POSTN: variants seen among roughly 807,000 people sequenced by gnomAD.
POSTN encodes the protein periostin.
POSTN carries 71 observed loss-of-function variants against 104.5 expected under a neutral mutation model. The ratio of observed to expected loss-of-function variants is 0.68; its 90% CI spans 0.56 to 0.83. The LOEUF (loss-of-function observed/expected upper bound fraction) is 0.83, where lower values mean the gene tolerates loss of function less well. Ranked by LOEUF, POSTN falls within the 40% of genes least tolerant of loss-of-function variation. The pLI, the probability that POSTN is intolerant of heterozygous loss-of-function variation, is 0.00. For synonymous variants in POSTN, 355 were observed against 340.7 expected, an observed-to-expected ratio of 1.04 and a Z score of -0.46; for missense variants, 949 against 1,006.8, an observed-to-expected ratio of 0.94 and a Z score of 0.78.
At chr13:37,566,514 T>A (rs1193366300) in intron 21 of POSTN, among the ~76,000 whole-genome samples, 1 of 152,140 alleles carries the variant, frequency 6.6e-6, no homozygotes, top group East Asian at 1.9e-4. Flanking sequence ...TTATTTAGAC[T>A]GTAGGTATCA....
chr13:37,593,951 A>G (rs1485080042), intron 2 of POSTN, among the ~76,000 whole-genome samples: 3 of 151,798 alleles, frequency 2.0e-5, no homozygotes, highest in Non-Finnish European at 4.4e-5. Flanking sequence ...CTTAAGAATA[A>G]TAGATAGCTA....
chr13:37,588,941 T>C (rs1237076474), intron 4 of POSTN, among the ~76,000 whole-genome samples: 2 of 152,064 alleles, frequency 1.3e-5, no homozygotes, highest in African/African-American at 2.4e-5. Context: ...ATTAGGGGGA[T>C]CACTTTAGAT....
At chr13:37,596,898 A>G (rs1039706789) in intron 2 of POSTN, among the ~76,000 whole-genome samples, 3 of 152,180 alleles carry the variant, frequency 2.0e-5, no homozygotes, top group Non-Finnish European at 4.4e-5. Flanking sequence ...TAGAAACAAC[A>G]TCATTTACTC....
At chr13:37,593,414 A>G (rs1951000353) in intron 2 of POSTN, among the ~76,000 whole-genome samples, 1 of 151,410 alleles carries the variant, frequency 6.6e-6, no homozygotes, top group South Asian at 2.1e-4. Flanking sequence ...AATTTTACAT[A>G]GTTACTTATG....
At chr13:37,574,474 A>G in intron 17 of POSTN, 98 bp downstream of exon 17, 2 of 1,418,876 alleles carry the variant, frequency 1.4e-6, no homozygotes, top group Non-Finnish European at 1.8e-6. Flanking sequence ...AACATTTAAC[A>G]TGTTAGTTTT....
chr13:37,583,721 G>A (rs1950666793), intron 9 of POSTN, among the ~76,000 whole-genome samples: 1 of 151,898 alleles, frequency 6.6e-6, no homozygotes, highest in Non-Finnish European at 1.5e-5. Context: ...CACCACGCCT[G>A]GCCTGAATAG....
At chr13:37,598,322 GAATTATAAA>G (rs1194260426) in intron 1 of POSTN, among the ~76,000 whole-genome samples, 8 of 151,820 alleles carry the variant, frequency 5.3e-5, no homozygotes, top group Admixed American at 3.9e-4. Context: ...TAAATAAATG[GAATTATAAA>G]AGAATGCCCA....
intron 4 of POSTN, among the ~76,000 whole-genome samples, chr13:37,589,568 A>T (rs1425265788): frequency 5.3e-5 from 8 of 151,972 alleles, no homozygotes; most frequent in Admixed American, 5.2e-4. Context: ...CTCATTGCTC[A>T]ATTCTTTAAG....
In POSTN at chr13:37,590,441, C is replaced by T. The variant is rs369828402; in HGVS notation, c.372G>A (p.Glu124=). ...QRYSDASKLR[E]EIEGKGSFTY... ...TGAAGGATCCCTTTCCCTCGATCTC[C>T]TCCCTCAGTTTTGAGGCGTCAGAAT... The change falls in exon 4 of 23, where the codon GAG becomes GAA. Residue 124 remains glutamate (E), a synonymous_variant. Coordinates refer to ENST00000379747, the MANE Select transcript of POSTN (RefSeq NM_006475.3). 2.3e-5 allele frequency: 37 copies of T among 1,613,190 alleles called. No homozygotes were observed. The East Asian group carries it at 3.1e-4, about 14-fold the overall frequency.
intron 3 of POSTN, 41 bp downstream of exon 3, chr13:37,592,059 G>A: frequency 4.2e-6 from 6 of 1,420,964 alleles, no homozygotes; most frequent in Non-Finnish European, 6.0e-6. Context: ...CCCTTTCTTT[G>A]CATATAATTC....
intron 13 of POSTN, 33 bp from the exon 14 acceptor site, chr13:37,579,154 A>T (rs777333502): frequency 2.5e-6 from 4 of 1,605,060 alleles, no homozygotes; most frequent in Non-Finnish European, 3.4e-6. Flanking sequence ...CAATGAGGAA[A>T]TTTCATTAAG....
intron 18 of POSTN, 140 bp downstream of exon 18, chr13:37,571,229 A>G: frequency 1.7e-6 from 1 of 598,408 alleles, no homozygotes. Flanking sequence ...ATAAGAACTC[A>G]TAGCTGAGGA....
chr13:37,570,573 T>C lies in POSTN; in HGVS notation c.2269+7A>G, dbSNP rs1950234712. ...GGCATAGATCCATGTATGGAATTAA[T>C]GGCTACCTGTAATGATTCGTTCTTC... On this transcript the variant is annotated splice_region_variant and intron_variant, in intron 19 of 22. Coordinates refer to ENST00000379747, the MANE Select transcript of POSTN (RefSeq NM_006475.3). The C allele has an allele frequency of 2.6e-6, 4 of 1,560,448 alleles. No homozygotes were observed. The highest frequency in any genetic ancestry group is 1.4e-5 in the African/African-American group (1 of 73,676).
At chr13:37,572,521 T>C (rs1277398838) in intron 17 of POSTN, among the ~76,000 whole-genome samples, 2 of 151,608 alleles carry the variant, frequency 1.3e-5, no homozygotes, top group Non-Finnish European at 1.5e-5. Context: ...CAAAAATGCG[T>C]TAATAAAATA....
chr13:37,569,488 C>A (rs557451831), intron 20 of POSTN, 105 bp from the exon 21 acceptor site: 8 of 951,468 alleles, frequency 8.4e-6, no homozygotes, highest in Non-Finnish European at 1.4e-5. Flanking sequence ...GAATTCCAGC[C>A]CAACACTCGA....
intron 17 of POSTN, 187 bp from the exon 18 acceptor site, chr13:37,571,645 AT>A: frequency 2.0e-6 from 1 of 502,512 alleles, no homozygotes; most frequent in Non-Finnish European, 3.5e-6. Context: ...AGAACAAATG[AT>A]TTAGTCTGTT....
rs1950871514 is a variant in POSTN, at chr13:37,589,721, C to A, written c.441+651G>T. On this transcript the variant is annotated intron_variant, in intron 4 of 22. Coordinates refer to ENST00000379747, the MANE Select transcript of POSTN (RefSeq NM_006475.3). Reference sequence around the variant, plus strand: ...GATAATGCCTACAGATATATACCTACATTTTATTATGTATATTTCACTCTA... The same window carrying A: ...GATAATGCCTACAGATATATACCTAAATTTTATTATGTATATTTCACTCTA... Among the ~76,000 whole-genome samples the A allele has an allele frequency of 2.0e-5, 3 of 152,216 alleles. No individual in the cohort carries two copies. In the South Asian group the frequency reaches 6.2e-4, roughly 32 times the overall value.
At chr13:37,580,468 A>G in intron 11 of POSTN, 93 bp downstream of exon 11, 4 of 1,372,414 alleles carry the variant, frequency 2.9e-6, no homozygotes, top group South Asian at 1.2e-5. Flanking sequence ...TTTCAACCAC[A>G]TAGGAGACTG....
chr13:37,582,303 A>T, intron 10 of POSTN, 63 bp downstream of exon 10: 1 of 1,503,738 alleles, frequency 6.7e-7, no homozygotes, highest in Non-Finnish European at 9.0e-7. Flanking sequence ...TGAAATATTC[A>T]TTGAAACAGC....
Sources: gnomAD v4.1 joint callset for allele counts (sites outside exome capture counted in the v4.1 genomes callset) on GRCh38, gnomAD v4.1.1 for gene constraint, MANE v1.5 for transcripts, NCBI Gene and HGNC (gene_info 2026-07-23, HGNC 2026-07-21) for gene names.